Variants in KDM2B observed in about 807,000 individuals in gnomAD.
KDM2B encodes the protein lysine demethylase 2B.
A neutral mutation model predicts 150.0 loss-of-function variants in KDM2B; 26 were observed. The ratio of observed to expected loss-of-function variants is 0.17; its 90% CI spans 0.13 to 0.24. The LOEUF is 0.24. Among genes scored for constraint, KDM2B ranks in the 10% least tolerant of loss-of-function variants. The pLI, the probability that KDM2B is intolerant of heterozygous loss-of-function variation, is 1.00. For missense variants in KDM2B, 1,265 were observed against 1,816.9 expected (o/e 0.70, Z 5.52); for synonymous variants, 734 against 729.5 (o/e 1.01, Z -0.10).
intron 12 of KDM2B, among the ~76,000 whole-genome samples, chr12:121,477,471 AC>A (rs1881509497): frequency 6.6e-6 from 1 of 151,576 alleles, no homozygotes. Flanking sequence ...ACACCCTCCA[AC>A]TCCTGAGCTC....
intron 2 of KDM2B, among the ~76,000 whole-genome samples, chr12:121,578,003 C>A (rs970123066): frequency 6.6e-6 from 1 of 152,138 alleles, no homozygotes; most frequent in South Asian, 2.1e-4. Context: ...CCCCAGATTC[C>A]GCTCTCAATT....
chr12:121,576,225 G>A (rs930926425), intron 2 of KDM2B, among the ~76,000 whole-genome samples: 2 of 152,142 alleles, frequency 1.3e-5, no homozygotes, highest in African/African-American at 4.8e-5. Context: ...ACAGAGACAC[G>A]CATCCCAAGC....
At chr12:121,544,472 T>C (rs1314402079) in intron 6 of KDM2B, among the ~76,000 whole-genome samples, 4 of 151,020 alleles carry the variant, frequency 2.6e-5, no homozygotes, top group African/African-American at 7.3e-5. Context: ...TAGCCGGGTG[T>C]GTTGGTGCAC....
At chr12:121,431,002 A>G (rs1490964561) in intron 22 of KDM2B, among the ~76,000 whole-genome samples, 1 of 152,198 alleles carries the variant, frequency 6.6e-6, no homozygotes, top group East Asian at 1.9e-4. Context: ...AATTCACAGC[A>G]TGAGGGACAG....
At chr12:121,539,510 A>G (rs1888433704) in intron 6 of KDM2B, among the ~76,000 whole-genome samples, 2 of 151,960 alleles carry the variant, frequency 1.3e-5, no homozygotes, top group Non-Finnish European at 2.9e-5. Flanking sequence ...TAACCGTAGC[A>G]CCCTGCAGCA....
chr12:121,499,416 C>T (rs939971485), intron 11 of KDM2B, among the ~76,000 whole-genome samples: 70 of 151,742 alleles, frequency 4.6e-4, no homozygotes, highest in African/African-American at 1.6e-3. Flanking sequence ...CCACCACACC[C>T]GGCCAATAAT....
chr12:121,489,086 G>A (rs566326290), intron 12 of KDM2B, among the ~76,000 whole-genome samples: 1 of 151,900 alleles, frequency 6.6e-6, no homozygotes, highest in Non-Finnish European at 1.5e-5. Flanking sequence ...GCAATTACAG[G>A]TATGAGCCAC....
the KDM2B span, among the ~76,000 whole-genome samples, chr12:121,422,159 A>G: frequency 6.6e-6 from 1 of 152,230 alleles, no homozygotes; most frequent in Admixed American, 6.5e-5. Context: ...GGCGTAGGAT[A>G]TAACATGGTT....
chr12:121,440,092 G>C lies in KDM2B; in HGVS notation c.3611-17C>G, dbSNP rs1593734511. 6 of 1,577,024 alleles carry C rather than the reference G, an allele frequency of 3.8e-6. No homozygotes were observed. The highest frequency in any genetic ancestry group is 5.2e-6 in the Non-Finnish European group (6 of 1,161,160). On this transcript the variant is annotated splice_polypyrimidine_tract_variant and intron_variant, in intron 21 of 22. Coordinates refer to ENST00000377071, the MANE Select transcript of KDM2B (RefSeq NM_032590.5). The stretch of plus-strand genomic sequence containing the variant: ...CCATCTGACCTGGTGGGGCAGGAAG[G>C]AGGGGGCAACCCGTCAATCTGACCG...
intron 12 of KDM2B, among the ~76,000 whole-genome samples, chr12:121,486,515 A>G (rs568910891): frequency 1.3e-5 from 2 of 151,630 alleles, no homozygotes; most frequent in Admixed American, 1.3e-4. Context: ...GACCGGGTGC[A>G]GTGGCTCACT....
chr12:121,410,024 A>G, the KDM2B span, among the ~76,000 whole-genome samples: 1 of 151,958 alleles, frequency 6.6e-6, no homozygotes, highest in East Asian at 1.9e-4. Flanking sequence ...GCATGGTGGC[A>G]GATGCCTGTA....
chr12:121,416,113 C>T, the KDM2B span: 1 of 1,521,864 alleles, frequency 6.6e-7, no homozygotes, highest in East Asian at 2.3e-5. Context: ...CCAGAGAGCC[C>T]AGATTCCACT....
chr12:121,571,712 G>A (rs556364705), intron 4 of KDM2B, among the ~76,000 whole-genome samples: 62 of 149,580 alleles, frequency 4.1e-4, no homozygotes, highest in East Asian at 9.8e-4. Flanking sequence ...GTGCAGTGGC[G>A]CAATCTTGGC....
chr12:121,433,220 G>C, intron 22 of KDM2B: 1 of 456,684 alleles, frequency 2.2e-6, no homozygotes, highest in South Asian at 1.5e-5. Context: ...AGAAGGAAAA[G>C]ACTTTCTTTG....
intron 17 of KDM2B, 44 bp from the exon 18 acceptor site, chr12:121,443,074 GTGGGATTTGGTC>G: frequency 6.3e-7 from 1 of 1,575,092 alleles, no homozygotes; most frequent in South Asian, 1.1e-5. Flanking sequence ...CCCCGGGCTC[GTGGGATTTGGTC>G]TCCTCGACAC....
intron 8 of KDM2B, among the ~76,000 whole-genome samples, chr12:121,530,002 G>A (rs991947663): frequency 1.3e-5 from 2 of 151,330 alleles, no homozygotes; most frequent in African/African-American, 4.9e-5. Flanking sequence ...GCCAAGGTGG[G>A]CAGATCATGA....
intron 14 of KDM2B, chr12:121,444,811 G>C (rs782186406): frequency 3.8e-6 from 2 of 530,598 alleles, no homozygotes; most frequent in South Asian, 2.0e-5. Context: ...GGCCATAAAA[G>C]TTAGTGTGCC....
chr12:121,574,019 T>C (rs1891311800), intron 4 of KDM2B, among the ~76,000 whole-genome samples: 1 of 152,110 alleles, frequency 6.6e-6, no homozygotes, highest in African/African-American at 2.4e-5. Context: ...ATTGAACAAC[T>C]GCCTGTAAGA....
chr12:121,461,308 G>A (rs1230393214), intron 12 of KDM2B, among the ~76,000 whole-genome samples: 1 of 152,190 alleles, frequency 6.6e-6, no homozygotes, highest in African/African-American at 2.4e-5. Context: ...GAAGTGGCTG[G>A]AGCCTCATCC....
Sources: allele counts gnomAD v4.1 joint callset (sites outside exome capture counted in the v4.1 genomes callset), GRCh38; gene constraint gnomAD v4.1.1; transcripts MANE v1.5; gene names NCBI Gene and HGNC (gene_info 2026-07-23, HGNC 2026-07-21).